FAM210A: variants seen among roughly 807,000 people sequenced by gnomAD.
FAM210A encodes the protein family with sequence similarity 210 member A.
A neutral mutation model predicts 25.3 loss-of-function variants in FAM210A; 13 were observed. That is an observed-to-expected ratio of 0.51 (90% CI 0.33 to 0.82). The LOEUF is 0.82. FAM210A is among the 40% of genes least tolerant of loss of function. The probability of loss-of-function intolerance (pLI) is 0.02; values close to 1 mark genes in which losing one functional copy is unlikely to be tolerated. For missense variants in FAM210A, 319 were observed against 323.2 expected (o/e 0.99, Z 0.10); for synonymous variants, 125 against 118.7 (o/e 1.05, Z -0.35).
intron 1 of FAM210A, among the ~76,000 whole-genome samples, chr18:13,686,493 G>A (rs1601950365): frequency 6.6e-6 from 1 of 152,224 alleles, no homozygotes; most frequent in East Asian, 1.9e-4. Flanking sequence ...CCACAATTTT[G>A]CCTTTAAAAA....
In FAM210A at chr18:13,682,047, G is replaced by A. The variant is rs1242562503; in HGVS notation, c.31C>T (p.Arg11Ter). MQWNVPRTVS[R>*]LARRTCLEPH... is the part of the protein sequence containing the mutation. Reference sequence around the variant, plus strand: ...TCCAAGCATGTCCTGCGTGCCAGTCGAGATACAGTCCGTGGTACATTCCAT... The same window carrying A: ...TCCAAGCATGTCCTGCGTGCCAGTCAAGATACAGTCCGTGGTACATTCCAT... Residue 11 changes from arginine to a stop codon, truncating the protein, a stop_gained, in exon 2 of 4, where the codon CGA (arginine) becomes TGA (stop). Coordinates refer to ENST00000651643, the MANE Select transcript of FAM210A (RefSeq NM_152352.4). LOFTEE classifies it high-confidence loss of function. 6.2e-6 allele frequency: 10 copies of A among 1,609,322 alleles called. No homozygotes were observed. The highest frequency in any genetic ancestry group is 2.7e-5 in the African/African-American group (2 of 74,804).
chr18:13,679,939 A>G lies in FAM210A; in HGVS notation c.473+1666T>C, dbSNP rs932459336. ...ACAGAACTTTTACCAGAGAATAAGG[A>G]AAAGTAAAAGGAACAAAAATATTAT... is the stretch of plus-strand genomic sequence containing the variant. On this transcript the variant is annotated intron_variant, in intron 2 of 3. Transcript: ENST00000651643. 2.6e-5 allele frequency among the ~76,000 whole-genome samples: 4 copies of G among 152,226 alleles called. No individual in the cohort carries two copies. The East Asian group carries it at 7.7e-4, about 29-fold the overall frequency.
chr18:13,715,633 A>G (rs938016648), intron 1 of FAM210A, among the ~76,000 whole-genome samples: 1 of 152,222 alleles, frequency 6.6e-6, no homozygotes, highest in Non-Finnish European at 1.5e-5. Flanking sequence ...AACATTTTCC[A>G]TATTCTGAAC....
rs537085844 is a variant in FAM210A at position 13,698,677 on chromosome 18, C to T, written c.-28-16572G>A. ...AGGCACAGGAACATTTTTATCATAC[C>T]ATGTCAGGTAAAGGCCCAACTGAAG... On this transcript the variant is annotated intron_variant, in intron 1 of 3. Transcript: ENST00000651643. Among the ~76,000 whole-genome samples the T allele has an allele frequency of 3.9e-4, 59 of 152,230 alleles. 1 individual carries two copies. The highest frequency in any genetic ancestry group is 1.4e-3 in the African/African-American group (58 of 41,542).
At chr18:13,691,604 A>C (rs1051772171) in intron 1 of FAM210A, among the ~76,000 whole-genome samples, 30 of 152,120 alleles carry the variant, frequency 2.0e-4, no homozygotes, top group Admixed American at 1.4e-3. Flanking sequence ...TCAATATTCA[A>C]CATTCTTAAA....
At chr18:13,671,635 G>A (rs1296483835) in intron 3 of FAM210A, among the ~76,000 whole-genome samples, 3 of 149,744 alleles carry the variant, frequency 2.0e-5, no homozygotes, top group African/African-American at 7.4e-5. Flanking sequence ...GTTGCAGTGA[G>A]CCGAGATGGC....
chr18:13,686,771 C>A (rs907705845), intron 1 of FAM210A, among the ~76,000 whole-genome samples: 13 of 152,214 alleles, frequency 8.5e-5, no homozygotes, highest in Non-Finnish European at 1.2e-4. Context: ...GAAATGGAAT[C>A]AAAAATTAAT....
chr18:13,723,335 C>G (rs976888790), intron 1 of FAM210A, among the ~76,000 whole-genome samples: 1 of 152,094 alleles, frequency 6.6e-6, no homozygotes, highest in Non-Finnish European at 1.5e-5. Flanking sequence ...AGTCAGGGCT[C>G]TACAGAGATA....
Position 13,703,617 on chromosome 18 carries a change from A to G in FAM210A, c.-28-21512T>C, listed in dbSNP as rs540941271. Among the ~76,000 whole-genome samples, 6 of 152,356 alleles carry G rather than the reference A, an allele frequency of 3.9e-5. 1 individual carries two copies. The South Asian group carries it at 1.2e-3, about 32-fold the overall frequency. On this transcript the variant is annotated intron_variant, in intron 1 of 3. Coordinates refer to ENST00000651643, the MANE Select transcript of FAM210A (RefSeq NM_152352.4). ...ACTCCACCCTAAAGCCAGTAATCCA[A>G]TTAAGAAACTTAGAAACTAGGAAAT...
intron 1 of FAM210A, among the ~76,000 whole-genome samples, chr18:13,694,853 C>A (rs1010045304): frequency 1.3e-5 from 2 of 152,140 alleles, no homozygotes; most frequent in Non-Finnish European, 2.9e-5. Context: ...CAACAAAAGC[C>A]AAAATTGATA....
At chr18:13,711,781 A>G (rs138018659) in intron 1 of FAM210A, among the ~76,000 whole-genome samples, 206 of 152,216 alleles carry the variant, frequency 1.4e-3, no homozygotes, top group African/African-American at 4.8e-3. Flanking sequence ...TCTGACTCTC[A>G]GCATCCACCT....
At chr18:13,683,228 A>G (rs988399786) in intron 1 of FAM210A, among the ~76,000 whole-genome samples, 3 of 152,236 alleles carry the variant, frequency 2.0e-5, no homozygotes, top group Non-Finnish European at 2.9e-5. Context: ...TGATATTAGT[A>G]TTATTTACAC....
chr18:13,700,902 A>G (rs574712817), intron 1 of FAM210A, among the ~76,000 whole-genome samples: 6 of 152,258 alleles, frequency 3.9e-5, no homozygotes, highest in Non-Finnish European at 7.4e-5. Flanking sequence ...CCTATAGCCA[A>G]TCCAGCTGTT....
chr18:13,703,194 TTCACA>T (rs1330818959), intron 1 of FAM210A, among the ~76,000 whole-genome samples: 3 of 152,232 alleles, frequency 2.0e-5, no homozygotes, highest in Non-Finnish European at 4.4e-5. Context: ...CAGCAATTAC[TTCACA>T]TTATGAAAGA....
chr18:13,716,804 T>C (rs1358831006), intron 1 of FAM210A, among the ~76,000 whole-genome samples: 1 of 152,186 alleles, frequency 6.6e-6, no homozygotes, highest in African/African-American at 2.4e-5. Context: ...TCCACTATGA[T>C]TGGAAGTTTC....
At chr18:13,701,891 G>A (rs4796993) in intron 1 of FAM210A, among the ~76,000 whole-genome samples, 15,723 of 152,194 alleles carry the variant, frequency 0.1, 1,395 homozygotes, top group East Asian at 0.46. Flanking sequence ...TGGGTTAGAG[G>A]CCCTCCTGTC....
At chr18:13,695,035 C>CA (rs2043680323) in intron 1 of FAM210A, among the ~76,000 whole-genome samples, 1 of 152,072 alleles carries the variant, frequency 6.6e-6, no homozygotes, top group East Asian at 1.9e-4. Flanking sequence ...AAATCAACCC[C>CA]ATCAAAAAGT....
chr18:13,682,570 AAAAAT>A (rs746554481), intron 1 of FAM210A, among the ~76,000 whole-genome samples: 3 of 152,128 alleles, frequency 2.0e-5, no homozygotes, highest in African/African-American at 4.8e-5. Flanking sequence ...TCCAGCTCAG[AAAAAT>A]AAAATAAAAT....
chr18:13,681,857 T>C lies in FAM210A; in HGVS notation c.221A>G (p.His74Arg). ...VAKERRPLDA[H>R]PPQPGVLRHK... ...GCGAAGGACTCCTGGTTGGGGTGGA[T>C]GAGCATCCAATGGCCTCCTTTCCTT... Residue 74 changes from histidine to arginine, a missense_variant, in exon 2 of 4, where the codon CAT (histidine) becomes CGT (arginine). Physicochemically the swap from His to Arg is conservative, Grantham distance 29. Coordinates refer to ENST00000651643, the MANE Select transcript of FAM210A (RefSeq NM_152352.4). 3 of 1,614,216 alleles carry C rather than the reference T, an allele frequency of 1.9e-6. No homozygotes were observed. Among genetic ancestry groups the C allele is most frequent in the Non-Finnish European group, 2.5e-6 (3 of 1,180,032 alleles).
Sources: allele counts gnomAD v4.1 joint callset (sites outside exome capture counted in the v4.1 genomes callset), GRCh38; gene constraint gnomAD v4.1.1; transcripts MANE v1.5; gene names NCBI Gene and HGNC (gene_info 2026-07-23, HGNC 2026-07-21).